TMEM217B: variants seen among roughly 807,000 people sequenced by gnomAD.
The protein encoded by TMEM217B is putative transmembrane protein 217B.
chr6:37,222,485 G>A, the TMEM217B span, among the ~76,000 whole-genome samples: 1 of 152,176 alleles, frequency 6.6e-6, no homozygotes, highest in African/African-American at 2.4e-5. Context: ...AGAGACGCCC[G>A]GGTCCTGCAC....
the TMEM217B span, among the ~76,000 whole-genome samples, chr6:37,245,944 C>T: frequency 1.3e-5 from 2 of 152,018 alleles, no homozygotes; most frequent in African/African-American, 2.4e-5. Flanking sequence ...TAATCACAGG[C>T]GTGCACCACC....
the TMEM217B span, among the ~76,000 whole-genome samples, chr6:37,249,852 A>G: frequency 6.6e-6 from 1 of 152,248 alleles, no homozygotes; most frequent in Non-Finnish European, 1.5e-5. Flanking sequence ...AGTATTTTGC[A>G]AAGTTGAACT....
the TMEM217B span, among the ~76,000 whole-genome samples, chr6:37,238,993 G>T: frequency 6.6e-6 from 1 of 152,154 alleles, no homozygotes; most frequent in African/African-American, 2.4e-5. Flanking sequence ...AGCCAGGCAT[G>T]TTGGCACATG....
At chr6:37,237,036 G>A in the TMEM217B span, among the ~76,000 whole-genome samples, 1 of 152,334 alleles carries the variant, frequency 6.6e-6, no homozygotes, top group Admixed American at 6.5e-5. Context: ...GAGCAAGCCA[G>A]ATGGAAGCTG....
the TMEM217B span, chr6:37,218,005 T>G: frequency 1.0e-6 from 1 of 991,004 alleles, no homozygotes. Context: ...TTTCTCTTCA[T>G]GTTCTCCTGA....
the TMEM217B span, chr6:37,215,368 A>G: frequency 6.8e-7 from 1 of 1,466,458 alleles, no homozygotes; most frequent in Non-Finnish European, 9.1e-7. Context: ...CGAGGTCAGG[A>G]GTTCAAGACC....
At chr6:37,229,342 T>TTTTG in the TMEM217B span, among the ~76,000 whole-genome samples, 54 of 125,810 alleles carry the variant, frequency 4.3e-4, 1 homozygote, top group South Asian at 1.4e-3. Context: ...TCAGTTTTTT[T>TTTTG]TTTTTTTTTT....
chr6:37,251,524 A>G, the TMEM217B span, among the ~76,000 whole-genome samples: 2 of 152,272 alleles, frequency 1.3e-5, no homozygotes, highest in Admixed American at 6.5e-5. Flanking sequence ...CTAGAGCTCA[A>G]TGTATTAACA....
chr6:37,243,425 C>G, the TMEM217B span, among the ~76,000 whole-genome samples: 1 of 152,192 alleles, frequency 6.6e-6, no homozygotes. Flanking sequence ...TCCTTCTTCC[C>G]AGTGTAATTG....
chr6:37,218,166 T>TA, the TMEM217B span: 6 of 1,137,676 alleles, frequency 5.3e-6, no homozygotes, highest in Non-Finnish European at 3.2e-6. Flanking sequence ...ATAAAGCTGC[T>TA]AACTTTTTTT....
At chr6:37,231,671 CAA>C in the TMEM217B span, among the ~76,000 whole-genome samples, 3 of 60,382 alleles carry the variant, frequency 5.0e-5, no homozygotes, top group Admixed American at 2.0e-4. Flanking sequence ...GACTCCATCT[CAA>C]AAAAAAAAAA....
chr6:37,239,064 A>T, the TMEM217B span, among the ~76,000 whole-genome samples: 1 of 152,180 alleles, frequency 6.6e-6, no homozygotes, highest in Admixed American at 6.6e-5. Context: ...TAAGAGGTGG[A>T]GAGGTTGCAG....
the TMEM217B span, among the ~76,000 whole-genome samples, chr6:37,237,123 A>T: frequency 6.6e-6 from 1 of 152,202 alleles, no homozygotes; most frequent in Non-Finnish European, 1.5e-5. Context: ...GAAGTGAGTC[A>T]CCAAGGCCAT....
the TMEM217B span, among the ~76,000 whole-genome samples, chr6:37,222,836 G>C: frequency 6.6e-6 from 1 of 152,220 alleles, no homozygotes; most frequent in African/African-American, 2.4e-5. Context: ...GCTTCCACCG[G>C]CTCCATGGAG....
chr6:37,235,373 TA>T, the TMEM217B span, among the ~76,000 whole-genome samples: 11 of 152,008 alleles, frequency 7.2e-5, no homozygotes, highest in East Asian at 1.9e-4. Context: ...CTTTTATTAT[TA>T]TTTTTTTTTG....
the TMEM217B span, chr6:37,218,416 A>G: frequency 6.3e-7 from 1 of 1,580,780 alleles, no homozygotes; most frequent in Non-Finnish European, 8.6e-7. Flanking sequence ...ACCTCAGGCG[A>G]TCCACCTACC....
At chr6:37,256,805 A>G in the TMEM217B span, among the ~76,000 whole-genome samples, 2 of 152,130 alleles carry the variant, frequency 1.3e-5, no homozygotes, top group Non-Finnish European at 2.9e-5. Flanking sequence ...GACAAAAACC[A>G]CTCTGGACTG....
At chr6:37,242,597 A>T in the TMEM217B span, among the ~76,000 whole-genome samples, 4 of 152,176 alleles carry the variant, frequency 2.6e-5, no homozygotes, top group African/African-American at 9.7e-5. Context: ...GGTAATTCTG[A>T]CAGTAAATCA....
chr6:37,247,134 T>C, the TMEM217B span, among the ~76,000 whole-genome samples: 132 of 152,176 alleles, frequency 8.7e-4, no homozygotes, highest in African/African-American at 2.1e-3. Flanking sequence ...ATAAGACTTA[T>C]ATGGCCTTAG....
Sources: gnomAD v4.1 joint callset for allele counts (sites outside exome capture counted in the v4.1 genomes callset) on GRCh38, gnomAD v4.1.1 for gene constraint, MANE v1.5 for transcripts, NCBI Gene and HGNC (gene_info 2026-07-23, HGNC 2026-07-21) for gene names.